The following SLC25A21 variants were observed in gnomAD, a reference collection of about 807,000 sequenced individuals.
The protein encoded by SLC25A21 is solute carrier family 25 member 21.
In SLC25A21, 47 loss-of-function variants were observed where a neutral mutation model predicts 43.8. The observed-to-expected ratio is 1.07, with a 90% CI of 0.85 to 1.37. The LOEUF (loss-of-function observed/expected upper bound fraction) is 1.37, where lower values mean the gene tolerates loss of function less well. Ranked by LOEUF, SLC25A21 falls within the 40% of genes most tolerant of loss-of-function variation. The pLI is 0.00. For missense variants in SLC25A21, 352 were observed against 350.2 expected (o/e 1.00, Z -0.04); for synonymous variants, 131 against 121.3 (o/e 1.08, Z -0.52).
At chr14:36,938,733 T>G (rs2138646179) in intron 1 of SLC25A21, among the ~76,000 whole-genome samples, 1 of 152,146 alleles carries the variant, frequency 6.6e-6, no homozygotes, top group South Asian at 2.1e-4. Flanking sequence ...GAACAATAAC[T>G]TAGACTCATA....
chr14:37,097,611 C>T (rs1049134983), intron 1 of SLC25A21, among the ~76,000 whole-genome samples: 3 of 152,012 alleles, frequency 2.0e-5, no homozygotes, highest in African/African-American at 4.8e-5. Flanking sequence ...GGCAGGGCGT[C>T]GTGGCTCACA....
At chr14:36,710,849 G>C (rs575819143) in intron 7 of SLC25A21, among the ~76,000 whole-genome samples, 9 of 152,200 alleles carry the variant, frequency 5.9e-5, no homozygotes, top group African/African-American at 2.2e-4. Context: ...AATTAACCTA[G>C]ATTAAAAATT....
chr14:36,734,450 T>C (rs1248768464), intron 4 of SLC25A21, 57 bp downstream of exon 4: 2 of 1,318,072 alleles, frequency 1.5e-6, no homozygotes, highest in Non-Finnish European at 2.1e-6. Flanking sequence ...GAGTTTGTTG[T>C]GCTGAAGCTG....
chr14:36,722,310 G>A (rs986943238), intron 6 of SLC25A21, among the ~76,000 whole-genome samples: 3 of 152,160 alleles, frequency 2.0e-5, no homozygotes, highest in Non-Finnish European at 4.4e-5. Context: ...GAACACAGAG[G>A]ATTTTCAGGG....
At chr14:36,727,878 GA>G (rs768347739) in intron 5 of SLC25A21, among the ~76,000 whole-genome samples, 1 of 150,204 alleles carries the variant, frequency 6.7e-6, no homozygotes, top group South Asian at 2.1e-4. Context: ...GCCAAAAGTG[GA>G]AAAAAAAATA....
chr14:37,165,148 G>T (rs1330939944), intron 1 of SLC25A21, among the ~76,000 whole-genome samples: 5 of 152,146 alleles, frequency 3.3e-5, no homozygotes, highest in African/African-American at 9.7e-5. Flanking sequence ...AGGCTGTGGC[G>T]GGCGGATCAC....
chr14:36,971,069 T>C (rs1959738194), intron 1 of SLC25A21, among the ~76,000 whole-genome samples: 1 of 152,158 alleles, frequency 6.6e-6, no homozygotes, highest in South Asian at 2.1e-4. Context: ...TGTTTACAGT[T>C]CAGGTAAACA....
intron 1 of SLC25A21, among the ~76,000 whole-genome samples, chr14:37,085,605 C>A (rs1258609884): frequency 6.6e-6 from 1 of 152,116 alleles, no homozygotes; most frequent in Admixed American, 6.5e-5. Flanking sequence ...ATCAAAATCT[C>A]TTTGTCTAGG....
chr14:37,143,589 CGTGTGTGT>C (rs10531936), intron 1 of SLC25A21, among the ~76,000 whole-genome samples: 42 of 148,648 alleles, frequency 2.8e-4, no homozygotes, highest in East Asian at 6.0e-4. Context: ...TGTTCATTAG[CGTGTGTGT>C]GTGTGTGTGT....
chr14:37,133,650 C>T (rs1232477614), intron 1 of SLC25A21, among the ~76,000 whole-genome samples: 1 of 151,976 alleles, frequency 6.6e-6, no homozygotes, highest in African/African-American at 2.4e-5. Context: ...CCACCAACAC[C>T]TGCCCTAACC....
At chr14:37,020,423 A>G (rs1435438885) in intron 1 of SLC25A21, among the ~76,000 whole-genome samples, 1 of 151,716 alleles carries the variant, frequency 6.6e-6, no homozygotes, top group Non-Finnish European at 1.5e-5. Flanking sequence ...TCAAAAAAAA[A>G]CACAGTAAAT....
intron 1 of SLC25A21, among the ~76,000 whole-genome samples, chr14:37,119,945 C>T (rs766081352): frequency 2.0e-5 from 3 of 151,852 alleles, no homozygotes; most frequent in Non-Finnish European, 4.4e-5. Context: ...CACAATGATA[C>T]GAGTGGCAGA....
chr14:36,967,665 C>T (rs942675532), intron 1 of SLC25A21, among the ~76,000 whole-genome samples: 7 of 152,162 alleles, frequency 4.6e-5, no homozygotes, highest in African/African-American at 1.7e-4. Flanking sequence ...CTTCTACTTT[C>T]CTAAGGATAT....
intron 3 of SLC25A21, among the ~76,000 whole-genome samples, chr14:36,794,012 A>T (rs1458496154): frequency 1.3e-5 from 2 of 152,166 alleles, no homozygotes; most frequent in East Asian, 3.8e-4. Flanking sequence ...AAGAATACAG[A>T]CTTGGAAAGT....
At chr14:37,133,477 C>T (rs1158647130) in intron 1 of SLC25A21, among the ~76,000 whole-genome samples, 1 of 151,952 alleles carries the variant, frequency 6.6e-6, no homozygotes, top group Non-Finnish European at 1.5e-5. Context: ...ACTGCCACTG[C>T]CCTAACTTAA....
Position 37,066,001 on chromosome 14 carries a change from A to G in SLC25A21, c.70+106280T>C, listed in dbSNP as rs890231080. Among the ~76,000 whole-genome samples the G allele has an allele frequency of 2.0e-5, 3 of 152,318 alleles. No homozygotes were observed. In the South Asian group the frequency reaches 6.2e-4, roughly 32 times the overall value. On this transcript the variant is annotated intron_variant, in intron 1 of 9. Coordinates refer to ENST00000331299, the MANE Select transcript of SLC25A21 (RefSeq NM_030631.4). ...ATGCCAAATCTGAGGGAAAATTTGT[A>G]TAAGGAGCGGGATATTCGTATAATC...
At chr14:36,685,522 T>C (rs1374498368) in intron 7 of SLC25A21, among the ~76,000 whole-genome samples, 5 of 152,236 alleles carry the variant, frequency 3.3e-5, no homozygotes, top group Admixed American at 2.0e-4. Context: ...TGTGACATTC[T>C]GTGCATTATA....
At chr14:36,937,704 T>C (rs1038524191) in intron 1 of SLC25A21, among the ~76,000 whole-genome samples, 5 of 152,064 alleles carry the variant, frequency 3.3e-5, no homozygotes, top group African/African-American at 1.2e-4. Flanking sequence ...GGATGGTTAG[T>C]CCACGTGGGA....
At chr14:36,951,291 T>C (rs1232794555) in intron 1 of SLC25A21, among the ~76,000 whole-genome samples, 1 of 151,226 alleles carries the variant, frequency 6.6e-6, no homozygotes, top group African/African-American at 2.4e-5. Context: ...TCAATTCTGT[T>C]TAGAAAGAGG....
Sources: gnomAD v4.1 joint callset for allele counts (sites outside exome capture counted in the v4.1 genomes callset) on GRCh38, gnomAD v4.1.1 for gene constraint, MANE v1.5 for transcripts, NCBI Gene and HGNC (gene_info 2026-07-23, HGNC 2026-07-21) for gene names.